MGAT4A: variants seen among roughly 807,000 people sequenced by gnomAD.
The protein encoded by MGAT4A is alpha-1,3-mannosyl-glycoprotein 4-beta-N-acetylglucosaminyltransferase A, also known as N-acetylglucosaminyltransferase IVa.
MGAT4A carries 33 observed loss-of-function variants against 74.1 expected under a neutral mutation model. The observed-to-expected ratio is 0.45, with a 90% CI of 0.34 to 0.60. The LOEUF (loss-of-function observed/expected upper bound fraction) is 0.60, where lower values mean the gene tolerates loss of function less well. Ranked by LOEUF, MGAT4A falls within the 20% of genes least tolerant of loss-of-function variation. MGAT4A has a pLI of 0.02. For synonymous variants in MGAT4A, 198 were observed against 210.4 expected (o/e 0.94, Z 0.51); for missense variants, 479 against 628.3 (o/e 0.76, Z 2.54).
In MGAT4A at chr2:98,663,172, T is replaced by C. The variant is rs1429831509; in HGVS notation, c.411A>G (p.Ile137Met). The change falls in exon 5 of 16, where the codon ATA becomes ATG. Residue 137 changes from isoleucine (I) to methionine (M), a missense_variant. Transcript: ENST00000393487. ...QIGNGRTGVS[I>M]VMGIPTVKRE... ...TCTTCACTGTGGGAATGCCCATGACTATTGAAACTGGAAAAAAAAATAGTA... is the reference window on the plus strand; with the variant it reads ...TCTTCACTGTGGGAATGCCCATGACCATTGAAACTGGAAAAAAAAATAGTA... 2.0e-5 allele frequency: 32 copies of C among 1,575,754 alleles called. No individual in the cohort carries two copies. Among genetic ancestry groups the C allele is most frequent in the Non-Finnish European group, 2.7e-5 (32 of 1,164,520 alleles).
At chr2:98,647,608 T>C (rs1701511991) in intron 8 of MGAT4A, among the ~76,000 whole-genome samples, 1 of 152,222 alleles carries the variant, frequency 6.6e-6, no homozygotes, top group African/African-American at 2.4e-5. Context: ...CGTGAGCCAC[T>C]GCGCCCGGCC....
chr2:98,698,755 C>G (rs1373384942), intron 2 of MGAT4A, among the ~76,000 whole-genome samples: 1 of 152,150 alleles, frequency 6.6e-6, no homozygotes. Context: ...CATTGCTCTA[C>G]GTTCATGCTG....
intron 2 of MGAT4A, among the ~76,000 whole-genome samples, chr2:98,707,084 G>A (rs1267841853): frequency 9.9e-5 from 15 of 151,970 alleles, no homozygotes; most frequent in Non-Finnish European, 8.8e-5. Flanking sequence ...GTGTGGTGGC[G>A]GGTGCCTGTA....
At chr2:98,641,222 G>C (rs1701403558) in intron 10 of MGAT4A, among the ~76,000 whole-genome samples, 1 of 152,150 alleles carries the variant, frequency 6.6e-6, no homozygotes, top group South Asian at 2.1e-4. Context: ...ACACATCTTT[G>C]TAAGAAATTT....
At position 98,625,275 on chromosome 2, in the gene MGAT4A, A is replaced by G. The variant is rs535229455; in HGVS notation, c.*291T>C. On this transcript the variant is annotated 3_prime_UTR_variant, in exon 16 of 16. Coordinates refer to ENST00000393487, the MANE Select transcript of MGAT4A (RefSeq NM_012214.3). ...AGTTTTTCTCAAATTTAAAGAATGTAACAATATGTACAACTCTTATGTATT... is the reference window on the plus strand; with the variant it reads ...AGTTTTTCTCAAATTTAAAGAATGTGACAATATGTACAACTCTTATGTATT... The G allele has an allele frequency of 1.0e-4, 107 of 1,021,796 alleles. 1 individual carries two copies. The African/African-American group carries it at 1.7e-3, about 17-fold the overall frequency. The allele number at this position is 1,021,796 out of a possible 1,614,324, so 63.3% of individuals were successfully genotyped here. A position where few individuals can be genotyped will look rare whatever the true frequency, so the allele number is the denominator to read the frequency against.
chr2:98,650,788 T>TA (rs1701564628), intron 8 of MGAT4A, among the ~76,000 whole-genome samples: 1 of 151,968 alleles, frequency 6.6e-6, no homozygotes, highest in African/African-American at 2.4e-5. Flanking sequence ...CCATCTCTAC[T>TA]AAAAATACAA....
rs1034194099 is a variant in MGAT4A at position 98,623,086 on chromosome 2, T to G, written c.*2480A>C. The G allele has an allele frequency of 3.0e-6, 3 of 985,322 alleles. No individual in the cohort carries two copies. In the African/African-American group the frequency reaches 5.2e-5, roughly 17 times the overall value. The allele number at this position is 985,322 out of a possible 1,614,324, so 61.0% of individuals were successfully genotyped here. ...TGGAATAATTGGTCTCACATCCAGA[T>G]GCTGACTGGCCACCTGCCACGTGCC... On this transcript the variant is annotated 3_prime_UTR_variant, in exon 16 of 16. Transcript: ENST00000393487.
intron 5 of MGAT4A, among the ~76,000 whole-genome samples, chr2:98,659,811 T>A (rs955961870): frequency 6.6e-6 from 1 of 152,208 alleles, no homozygotes; most frequent in Non-Finnish European, 1.5e-5. Context: ...CTTGGGTATG[T>A]CTTTATCAGC....
intron 4 of MGAT4A, among the ~76,000 whole-genome samples, chr2:98,667,553 G>C (rs1410545519): frequency 6.6e-6 from 1 of 152,234 alleles, no homozygotes; most frequent in African/African-American, 2.4e-5. Flanking sequence ...TTTTAGCAAA[G>C]AGACTGGCAG....
At position 98,651,107 on chromosome 2, in the gene MGAT4A, C is replaced by T. The variant is rs895728009; in HGVS notation, c.774+4338G>A. On this transcript the variant is annotated intron_variant, in intron 8 of 15. Transcript: ENST00000393487. Reference sequence around the variant, plus strand: ...AGAAAGAAAGAAATTAAGACTTTCCCAGATAAACAAAAGCTGAGTGAGTTC... The same window carrying T: ...AGAAAGAAAGAAATTAAGACTTTCCTAGATAAACAAAAGCTGAGTGAGTTC... Among the ~76,000 whole-genome samples the T allele has an allele frequency of 6.6e-5, 10 of 151,830 alleles. No homozygotes were observed. The East Asian group carries it at 1.4e-3, about 21-fold the overall frequency.
At chr2:98,728,991 T>C (rs1056201674) in intron 1 of MGAT4A, among the ~76,000 whole-genome samples, 1 of 152,134 alleles carries the variant, frequency 6.6e-6, no homozygotes, top group African/African-American at 2.4e-5. Context: ...GTTATTAGAG[T>C]AAGCACTCAA....
intron 5 of MGAT4A, among the ~76,000 whole-genome samples, chr2:98,660,695 A>G (rs1308780879): frequency 6.6e-6 from 1 of 152,228 alleles, no homozygotes; most frequent in African/African-American, 2.4e-5. Context: ...TTTCTTTAGT[A>G]AATGGTGCTG....
chr2:98,656,564 AT>A (rs1471716760), intron 6 of MGAT4A, 99 bp from the exon 7 acceptor site: 14 of 743,590 alleles, frequency 1.9e-5, no homozygotes, highest in Non-Finnish European at 3.1e-5. Context: ...ATCAGTAATC[AT>A]TTGTAGCAAC....
intron 2 of MGAT4A, among the ~76,000 whole-genome samples, chr2:98,682,946 G>C (rs1396766904): frequency 6.6e-6 from 1 of 152,076 alleles, no homozygotes; most frequent in Admixed American, 6.6e-5. Context: ...AATTTAGCCG[G>C]GCGTGGTGGC....
intron 9 of MGAT4A, among the ~76,000 whole-genome samples, chr2:98,644,829 T>G (rs1050348101): frequency 1.9e-4 from 29 of 152,266 alleles, no homozygotes; most frequent in African/African-American, 6.7e-4. Context: ...AGACAGGGTT[T>G]CACCATGTTG....
At chr2:98,704,942 C>A (rs1314353407) in intron 2 of MGAT4A, among the ~76,000 whole-genome samples, 3 of 152,098 alleles carry the variant, frequency 2.0e-5, no homozygotes, top group African/African-American at 7.2e-5. Context: ...GGAGAGTACA[C>A]CAGAGGCGCA....
chr2:98,674,617 TAA>T lies in MGAT4A; in HGVS notation c.403+416_403+417del, dbSNP rs1194866181. ...AAATCAAAGTATTTCTACTACTCCA[TAA>T]AAAGTTACATAAAAGTTACTATCTA... On this transcript the variant is annotated intron_variant, in intron 4 of 15. Transcript: ENST00000393487. Among the ~76,000 whole-genome samples the T allele has an allele frequency of 2.6e-5, 4 of 152,324 alleles. No individual in the cohort carries two copies. The East Asian group carries it at 7.7e-4, about 29-fold the overall frequency.
intron 14 of MGAT4A, among the ~76,000 whole-genome samples, chr2:98,627,539 C>T (rs941289013): frequency 1.6e-4 from 24 of 152,138 alleles, no homozygotes; most frequent in Non-Finnish European, 4.4e-5. Context: ...CCACACCTGG[C>T]TAATTTTTGT....
At chr2:98,707,627 G>A (rs1475903224) in intron 2 of MGAT4A, among the ~76,000 whole-genome samples, 2 of 152,164 alleles carry the variant, frequency 1.3e-5, no homozygotes, top group East Asian at 1.9e-4. Flanking sequence ...TCTCATGAGA[G>A]CTAAAATGAC....
Sources: allele counts gnomAD v4.1 joint callset (sites outside exome capture counted in the v4.1 genomes callset), GRCh38; gene constraint gnomAD v4.1.1; transcripts MANE v1.5; gene names NCBI Gene and HGNC (gene_info 2026-07-23, HGNC 2026-07-21).